Variants in DMD observed in about 807,000 individuals in gnomAD.
The protein encoded by DMD is mutant dystrophin.
Under a neutral mutation model 330.1 loss-of-function variants are expected in DMD, and 63 were observed. The ratio of observed to expected loss-of-function variants is 0.19; its 90% confidence interval spans 0.16 to 0.24. The LOEUF (loss-of-function observed/expected upper bound fraction) is 0.24, where lower values mean the gene tolerates loss of function less well. Among genes scored for constraint, DMD ranks in the 10% least tolerant of loss-of-function variants. DMD has a pLI of 1.00. For missense variants in DMD, 3,344 were observed against 2,684.1 expected, an observed-to-expected ratio of 1.25 and a Z score of -5.43; for synonymous variants, 1,223 against 959.8, an observed-to-expected ratio of 1.27 and a Z score of -5.07.
At chrX:32,059,938 T>G (rs1286422267) in intron 44 of DMD, among the ~76,000 whole-genome samples, 1 of 111,408 alleles carries the variant, frequency 9.0e-6, no homozygotes, top group African/African-American at 3.3e-5. Context: ...ATCTCTTGAT[T>G]GTGTTAAATT....
intron 7 of DMD, among the ~76,000 whole-genome samples, chrX:32,753,572 C>G (rs1466126315): frequency 8.9e-6 from 1 of 111,808 alleles, no homozygotes; most frequent in East Asian, 2.8e-4. Context: ...CAAATTCTTC[C>G]CTCAGCTGTG....
intron 17 of DMD, among the ~76,000 whole-genome samples, chrX:32,525,140 C>G (rs2046825898): frequency 9.0e-6 from 1 of 111,668 alleles, no homozygotes; most frequent in Non-Finnish European, 1.9e-5. Flanking sequence ...AAGCTCTGAG[C>G]TATTCCTAAC....
At position 33,096,513 on chromosome X, in the gene DMD, TTA is replaced by T. The variant is rs1445221044; in HGVS notation, c.32-76315_32-76314del. On this transcript the variant is annotated intron_variant, in intron 1 of 78. Transcript: ENST00000357033. ...ATTTTGGAGACGACTTTTTTTTTTT[TTA>T]TTTTTTTGAGACAGAGTTTTGCTCT... 1.1e-3 allele frequency among the ~76,000 whole-genome samples: 115 copies of T among 105,985 alleles called. 1 individual carries two copies. Among genetic ancestry groups the T allele is most frequent in the African/African-American group, 3.5e-3 (101 of 28,671 alleles). The allele number at this position is 105,985 out of a possible 115,157, so 92.0% of individuals were successfully genotyped here.
chrX:31,557,547 T>C (rs750943279), intron 55 of DMD, among the ~76,000 whole-genome samples: 29 of 112,222 alleles, frequency 2.6e-4, no homozygotes, highest in Non-Finnish European at 2.8e-4. Flanking sequence ...CTCTAGGCTC[T>C]AGAGGCCAAG....
At position 31,209,443 on chromosome X, in the gene DMD, T is replaced by A. The variant is rs752733755; in HGVS notation, c.9563+55A>T. On this transcript the variant is annotated intron_variant, in intron 65 of 78. Transcript: ENST00000357033. ...TAATGCTAATTACACTTCACCATTC[T>A]GTACGCTAAGCCTCCTGTGACAGAG... is the stretch of plus-strand genomic sequence containing the variant. 1.1e-5 allele frequency: 12 copies of A among 1,122,280 alleles called. No homozygotes were observed. The African/African-American group carries it at 2.2e-4, about 20-fold the overall frequency. The allele number at this position is 1,122,280 out of a possible 1,213,427, so 92.5% of individuals were successfully genotyped here.
chrX:32,719,031 C>G (rs1430802430), intron 7 of DMD, among the ~76,000 whole-genome samples: 2 of 111,381 alleles, frequency 1.8e-5, no homozygotes, highest in African/African-American at 3.3e-5. Context: ...ATTCAATTAC[C>G]TACATATATA....
At chrX:32,967,714 T>C (rs935330723) in intron 2 of DMD, among the ~76,000 whole-genome samples, 1 of 111,861 alleles carries the variant, frequency 8.9e-6, no homozygotes, top group Non-Finnish European at 1.9e-5. Flanking sequence ...GTGTAGACTA[T>C]AGCTGTTCTT....
Position 32,386,477 on chromosome X carries a change from C to T in DMD, c.4519-12G>A, listed in dbSNP as rs372282981. The T allele has an allele frequency of 6.8e-6, 8 of 1,176,404 alleles. No individual in the cohort carries two copies. Among genetic ancestry groups the T allele is most frequent in the Non-Finnish European group, 8.1e-6 (7 of 866,636 alleles). On this transcript the variant is annotated splice_polypyrimidine_tract_variant and intron_variant, in intron 32 of 78. Coordinates refer to ENST00000357033, the MANE Select transcript of DMD (RefSeq NM_004006.3). ...CTTTTATACAAGTTCTAAGTTTAAA[C>T]ATAAAACAAAACATGATAATCAGTA...
chrX:32,210,178 C>G (rs1345720368), intron 44 of DMD, among the ~76,000 whole-genome samples: 2 of 112,273 alleles, frequency 1.8e-5, no homozygotes, highest in African/African-American at 6.5e-5. Context: ...TATTCCCACA[C>G]TTACACATTG....
intron 60 of DMD, among the ~76,000 whole-genome samples, chrX:31,425,494 A>T (rs1249495175): frequency 8.9e-6 from 1 of 111,742 alleles, no homozygotes; most frequent in East Asian, 2.8e-4. Context: ...TTATGTTCAG[A>T]TATTGGGCAA....
chrX:31,131,465 ATTTAT>A, intron 77 of DMD, among the ~76,000 whole-genome samples: 1 of 111,772 alleles, frequency 8.9e-6, no homozygotes, highest in African/African-American at 3.2e-5. Context: ...CACATGTACA[ATTTAT>A]TTTATATCTT....
intron 1 of DMD, among the ~76,000 whole-genome samples, chrX:33,090,876 C>A (rs1367757701): frequency 5.4e-5 from 6 of 110,475 alleles, no homozygotes; most frequent in East Asian, 2.8e-4. Flanking sequence ...CTCATAAGAA[C>A]AATTTGTGTT....
At chrX:33,298,049 T>C (rs1207110073) in intron 1 of DMD, among the ~76,000 whole-genome samples, 1 of 111,279 alleles carries the variant, frequency 9.0e-6, no homozygotes, top group Admixed American at 9.6e-5. Flanking sequence ...AGAATGTTTT[T>C]ATTTCTCAAT....
intron 67 of DMD, among the ~76,000 whole-genome samples, chrX:31,188,142 C>A (rs1301056096): frequency 2.7e-5 from 3 of 112,253 alleles, no homozygotes; most frequent in Non-Finnish European, 5.6e-5. Flanking sequence ...CCTACGCCAA[C>A]TGACAGACTG....
At chrX:32,461,695 T>C (rs1486147084) in intron 25 of DMD, among the ~76,000 whole-genome samples, 1 of 110,849 alleles carries the variant, frequency 9.0e-6, no homozygotes, top group East Asian at 2.8e-4. Context: ...TCTACATAAA[T>C]TGGTGATGTT....
exon 1 of DMD, chrX:33,339,346 T>G: frequency 2.1e-6 from 2 of 953,023 alleles, no homozygotes; most frequent in Non-Finnish European, 2.8e-6. Flanking sequence ...ACAGCATCTT[T>G]CTCCTGATTC....
intron 44 of DMD, among the ~76,000 whole-genome samples, chrX:32,056,744 G>C (rs943939708): frequency 1.8e-5 from 2 of 111,104 alleles, no homozygotes; most frequent in African/African-American, 6.5e-5. Flanking sequence ...AAAAATTAAA[G>C]AGAAGAGAAC....
rs375117617 is a variant in DMD, at chrX:32,088,804, A to G, written c.6439-120290T>C. 3.6e-5 allele frequency among the ~76,000 whole-genome samples: 4 copies of G among 110,512 alleles called. No homozygotes were observed. In the East Asian group the frequency reaches 8.6e-4, roughly 24 times the overall value. On this transcript the variant is annotated intron_variant, in intron 44 of 78. Transcript: ENST00000357033. ...TGAATGGCCTTGATCCTTTCCTTTTACTACAGAGAATGACACATATAAATA... is the reference window on the plus strand; with the variant it reads ...TGAATGGCCTTGATCCTTTCCTTTTGCTACAGAGAATGACACATATAAATA...
At chrX:32,044,824 C>T (rs1248367150) in intron 44 of DMD, among the ~76,000 whole-genome samples, 2 of 111,758 alleles carry the variant, frequency 1.8e-5, no homozygotes, top group Non-Finnish European at 3.8e-5. Context: ...TTCTTGTGTT[C>T]GTATTCAATA....
Sources: allele counts gnomAD v4.1 joint callset (sites outside exome capture counted in the v4.1 genomes callset), GRCh38; gene constraint gnomAD v4.1.1; transcripts MANE v1.5; gene names NCBI Gene and HGNC (gene_info 2026-07-23, HGNC 2026-07-21).